Variants in FRAS1 observed in about 807,000 individuals in gnomAD.
FRAS1 encodes the protein Fraser extracellular matrix complex subunit 1.
A neutral mutation model predicts 435.2 loss-of-function variants in FRAS1; 290 were observed. The observed-to-expected ratio is 0.67, with a 90% CI of 0.61 to 0.73. The LOEUF is 0.73. Ranked by LOEUF, FRAS1 falls within the 30% of genes least tolerant of loss-of-function variation. FRAS1 has a pLI of 0.00. For missense variants in FRAS1, 4,860 were observed against 5,001.5 expected (o/e 0.97, Z 0.85); for synonymous variants, 1,800 against 1,851.0 (o/e 0.97, Z 0.71).
chr4:78,278,624 A>G, intron 9 of FRAS1, 31 bp from the exon 10 acceptor site: 4 of 1,240,040 alleles, frequency 3.2e-6, no homozygotes, highest in East Asian at 2.3e-5. Flanking sequence ...TGTTAATTTG[A>G]TATGTGCCAC....
intron 36 of FRAS1, 82 bp downstream of exon 36, chr4:78,429,308 C>A: frequency 6.8e-7 from 1 of 1,467,212 alleles, no homozygotes; most frequent in Admixed American, 2.5e-5. Context: ...TTGATGGTTG[C>A]CAAAAAAGCA....
intron 6 of FRAS1, among the ~76,000 whole-genome samples, chr4:78,259,912 A>C (rs1725994098): frequency 1.3e-5 from 2 of 152,318 alleles, no homozygotes; most frequent in Admixed American, 1.3e-4. Flanking sequence ...ATCCGATTTC[A>C]GCTTTCTACC....
At chr4:78,276,669 T>C (rs1489261194) in intron 9 of FRAS1, among the ~76,000 whole-genome samples, 2 of 152,208 alleles carry the variant, frequency 1.3e-5, no homozygotes, top group Admixed American at 6.5e-5. Flanking sequence ...TGATCATTCC[T>C]CTGGAAGCTT....
At chr4:78,136,367 A>G (rs1479602364) in intron 2 of FRAS1, among the ~76,000 whole-genome samples, 1 of 152,224 alleles carries the variant, frequency 6.6e-6, no homozygotes. Context: ...GTGCATGTCC[A>G]TCAATGACCG....
At chr4:78,359,782 A>G (rs1333431083) in intron 20 of FRAS1, among the ~76,000 whole-genome samples, 1 of 152,142 alleles carries the variant, frequency 6.6e-6, no homozygotes, top group Non-Finnish European at 1.5e-5. Flanking sequence ...GATAAATGTG[A>G]TGTATTGGGC....
chr4:78,395,100 G>A (rs926915492), intron 29 of FRAS1, among the ~76,000 whole-genome samples: 1 of 151,596 alleles, frequency 6.6e-6, no homozygotes, highest in Non-Finnish European at 1.5e-5. Context: ...GAATCTTTAG[G>A]GTTTTCTACA....
intron 14 of FRAS1, among the ~76,000 whole-genome samples, chr4:78,303,233 C>T (rs1022796307): frequency 1.3e-5 from 2 of 152,000 alleles, no homozygotes; most frequent in Non-Finnish European, 2.9e-5. Flanking sequence ...GTTTTGGTAC[C>T]AGTACCATGC....
At chr4:78,430,796 T>C (rs1734189681) in intron 37 of FRAS1, among the ~76,000 whole-genome samples, 1 of 152,180 alleles carries the variant, frequency 6.6e-6, no homozygotes, top group African/African-American at 2.4e-5. Context: ...TTCACAATAT[T>C]TTTAGCGCTG....
In FRAS1 at chr4:78,479,415, C is replaced by T; in HGVS notation, c.8140C>T (p.Pro2714Ser). ...TGTATCTGCAATTTGCTACACAGTC[C>T]CTAAGTCAGCTATGGGAAGTAGCCT... ...SIVSAICYTV[P>S]KSAMGSSLYA... Residue 2714 changes from proline to serine, a missense_variant, in exon 56 of 74, where the codon CCT becomes TCT. Coordinates refer to ENST00000512123, the MANE Select transcript of FRAS1 (RefSeq NM_025074.7). The T allele has an allele frequency of 6.4e-7, 1 of 1,554,414 alleles. No individual in the cohort carries two copies. Among genetic ancestry groups the T allele is most frequent in the South Asian group, 1.2e-5 (1 of 80,518 alleles).
chr4:78,065,083 T>TATATATATACACACAC (rs1383890164), intron 1 of FRAS1, among the ~76,000 whole-genome samples: 18 of 140,592 alleles, frequency 1.3e-4, no homozygotes, highest in Admixed American at 6.6e-4. Flanking sequence ...TATATATATA[T>TATATATATACACACAC]ACATACACAC....
At chr4:78,093,417 G>A (rs948422139) in intron 2 of FRAS1, among the ~76,000 whole-genome samples, 1 of 152,144 alleles carries the variant, frequency 6.6e-6, no homozygotes, top group African/African-American at 2.4e-5. Flanking sequence ...ACTAAGGCAT[G>A]TTGCTTACAT....
chr4:78,413,280 G>A (rs1198066877), intron 32 of FRAS1, among the ~76,000 whole-genome samples, 195 bp downstream of exon 32: 1 of 152,166 alleles, frequency 6.6e-6, no homozygotes, highest in Non-Finnish European at 1.5e-5. Context: ...TGAAAGGAAG[G>A]TTATGCGGAA....
In FRAS1 at chr4:78,251,524, A is replaced by T. The variant is rs1725531300; in HGVS notation, c.310-868A>T. ...CCCATGCTGTACCTTAGATCCTCAG[A>T]ACTTGTTCATCTTATAGCTGGAAGT... On this transcript the variant is annotated intron_variant, in intron 4 of 73. Transcript: ENST00000512123. Among the ~76,000 whole-genome samples, 3 of 152,296 alleles carry T rather than the reference A, an allele frequency of 2.0e-5. No homozygotes were observed. The East Asian group carries it at 5.8e-4, about 29-fold the overall frequency.
intron 51 of FRAS1, among the ~76,000 whole-genome samples, chr4:78,471,937 C>T (rs543366461): frequency 1.3e-5 from 2 of 152,250 alleles, no homozygotes; most frequent in South Asian, 4.2e-4. Flanking sequence ...TTATGTCTTC[C>T]ATTACAGCTC....
chr4:78,508,420 G>A (rs1578364591), intron 62 of FRAS1, among the ~76,000 whole-genome samples: 1 of 152,158 alleles, frequency 6.6e-6, no homozygotes, highest in East Asian at 1.9e-4. Flanking sequence ...TGCTATTCAT[G>A]ATACAGCTTT....
intron 6 of FRAS1, among the ~76,000 whole-genome samples, chr4:78,264,553 A>C (rs1726261202): frequency 6.6e-6 from 1 of 152,230 alleles, no homozygotes; most frequent in Admixed American, 6.5e-5. Flanking sequence ...ATGATTCAGC[A>C]GGAGTATCAA....
chr4:78,404,991 G>A (rs1733045594), intron 30 of FRAS1, among the ~76,000 whole-genome samples: 1 of 152,278 alleles, frequency 6.6e-6, no homozygotes, highest in East Asian at 1.9e-4. Context: ...TTTGGGGTAG[G>A]AGCTGCATGT....
intron 29 of FRAS1, among the ~76,000 whole-genome samples, chr4:78,391,027 T>G (rs1056461550): frequency 2.6e-5 from 4 of 152,200 alleles, no homozygotes; most frequent in Admixed American, 6.5e-5. Context: ...GTTCAGTACC[T>G]TTTTTGGTTT....
At chr4:78,145,383 C>A (rs375053609) in intron 2 of FRAS1, among the ~76,000 whole-genome samples, 89 of 152,164 alleles carry the variant, frequency 5.8e-4, no homozygotes, top group African/African-American at 2.1e-3. Flanking sequence ...AAGCCAAGAG[C>A]GGTGGAAGCA....
Sources: gnomAD v4.1 joint callset for allele counts (sites outside exome capture counted in the v4.1 genomes callset) on GRCh38, gnomAD v4.1.1 for gene constraint, MANE v1.5 for transcripts, NCBI Gene and HGNC (gene_info 2026-07-23, HGNC 2026-07-21) for gene names.